TAFA1: variants seen among roughly 807,000 people sequenced by gnomAD.
TAFA1 encodes the protein TAFA chemokine like family member 1.
A neutral mutation model predicts 18.5 loss-of-function variants in TAFA1; 4 were observed. The observed-to-expected ratio is 0.22, with a 90% CI of 0.11 to 0.49. The LOEUF is 0.49. Among genes scored for constraint, TAFA1 ranks in the 20% least tolerant of loss-of-function variants. The pLI is 0.98. For synonymous variants in TAFA1, 56 were observed against 55.2 expected, an observed-to-expected ratio of 1.01 and a Z score of -0.06; for missense variants, 147 against 169.0, an observed-to-expected ratio of 0.87 and a Z score of 0.72.
chr3:68,301,028 A>C (rs923078494), intron 2 of TAFA1, among the ~76,000 whole-genome samples: 2 of 152,236 alleles, frequency 1.3e-5, no homozygotes, highest in Admixed American at 1.3e-4. Flanking sequence ...TATCACATAC[A>C]CAGAATCGTG....
At chr3:68,207,977 A>G (rs1383927626) in intron 2 of TAFA1, among the ~76,000 whole-genome samples, 2 of 151,962 alleles carry the variant, frequency 1.3e-5, no homozygotes, top group African/African-American at 4.8e-5. Flanking sequence ...GCAATGGAGT[A>G]ACAATAGACT....
chr3:68,180,186 C>A (rs1471327391), intron 2 of TAFA1, among the ~76,000 whole-genome samples: 13 of 90,948 alleles, frequency 1.4e-4, no homozygotes, highest in African/African-American at 4.9e-4. Flanking sequence ...GTGTGCACCA[C>A]CACACCTGGC....
At chr3:68,532,913 A>G (rs770608687) in intron 3 of TAFA1, among the ~76,000 whole-genome samples, 7 of 146,200 alleles carry the variant, frequency 4.8e-5, no homozygotes, top group Admixed American at 6.8e-5. Flanking sequence ...ATAATAATAA[A>G]AGTCTGACAT....
intron 2 of TAFA1, among the ~76,000 whole-genome samples, chr3:68,012,807 T>C (rs76085467): frequency 0.029 from 4,435 of 152,200 alleles, 93 homozygotes; most frequent in East Asian, 0.13. Flanking sequence ...TGAGGCCCTT[T>C]TCCTTTTAAG....
chr3:68,121,249 A>ATGTG (rs67968765), intron 2 of TAFA1, among the ~76,000 whole-genome samples: 10,736 of 147,890 alleles, frequency 0.073, 428 homozygotes, highest in Middle Eastern at 0.1. Flanking sequence ...ATGTACATTA[A>ATGTG]TGTGTGTGTG....
chr3:68,240,989 A>G (rs985539324), intron 2 of TAFA1, among the ~76,000 whole-genome samples: 1 of 152,176 alleles, frequency 6.6e-6, no homozygotes, highest in African/African-American at 2.4e-5. Flanking sequence ...AATCAGCTCT[A>G]GTGTGGATAT....
chr3:68,282,544 G>A (rs1359558212), intron 2 of TAFA1, among the ~76,000 whole-genome samples: 3 of 152,168 alleles, frequency 2.0e-5, no homozygotes, highest in Non-Finnish European at 4.4e-5. Context: ...GCATTCTGAT[G>A]CGTTCCCTTG....
intron 2 of TAFA1, among the ~76,000 whole-genome samples, chr3:68,138,006 A>T (rs1258626850): frequency 6.6e-6 from 1 of 151,912 alleles, no homozygotes; most frequent in East Asian, 1.9e-4. Context: ...AGTGGATTCA[A>T]TGAGTAGATA....
At chr3:68,435,181 A>T (rs979930302) in intron 3 of TAFA1, among the ~76,000 whole-genome samples, 3 of 152,094 alleles carry the variant, frequency 2.0e-5, no homozygotes, top group African/African-American at 7.2e-5. Flanking sequence ...GTGACTAGGT[A>T]AGAGGATGGG....
At chr3:68,071,160 A>G (rs985108642) in intron 2 of TAFA1, among the ~76,000 whole-genome samples, 2 of 152,262 alleles carry the variant, frequency 1.3e-5, no homozygotes, top group Non-Finnish European at 2.9e-5. Flanking sequence ...TTATACAGGA[A>G]AAAGGGTTTA....
chr3:68,376,015 TCTACTC>T (rs1276516825), intron 2 of TAFA1, among the ~76,000 whole-genome samples: 1 of 152,200 alleles, frequency 6.6e-6, no homozygotes, highest in Non-Finnish European at 1.5e-5. Context: ...TCATTGACCA[TCTACTC>T]TGTTTTAAAC....
intron 2 of TAFA1, among the ~76,000 whole-genome samples, chr3:68,122,796 G>C (rs1043455144): frequency 1.3e-5 from 2 of 151,828 alleles, no homozygotes; most frequent in Non-Finnish European, 2.9e-5. Context: ...CTGTATATGT[G>C]TGTATATATA....
chr3:68,250,445 G>T (rs6549089), intron 2 of TAFA1, among the ~76,000 whole-genome samples: 56,704 of 151,942 alleles, frequency 0.37, 11,262 homozygotes, highest in East Asian at 0.56. Flanking sequence ...CTAGGAATCA[G>T]ATTACTCCTG....
At chr3:68,203,109 A>G (rs760698419) in intron 2 of TAFA1, among the ~76,000 whole-genome samples, 23 of 151,870 alleles carry the variant, frequency 1.5e-4, no homozygotes, top group Non-Finnish European at 2.1e-4. Context: ...AACCCTTCAA[A>G]TATTTCATTT....
intron 3 of TAFA1, among the ~76,000 whole-genome samples, chr3:68,466,593 G>T (rs1005857429): frequency 5.9e-5 from 9 of 152,184 alleles, no homozygotes; most frequent in African/African-American, 2.2e-4. Flanking sequence ...ATAAAATCTT[G>T]AGCCCTCCCA....
At chr3:68,070,160 G>A (rs546687713) in intron 2 of TAFA1, among the ~76,000 whole-genome samples, 2 of 152,138 alleles carry the variant, frequency 1.3e-5, no homozygotes, top group African/African-American at 4.8e-5. Flanking sequence ...TTCCATGAGG[G>A]TCCCACCCTT....
intron 3 of TAFA1, among the ~76,000 whole-genome samples, chr3:68,466,804 T>C (rs1002832319): frequency 2.6e-5 from 4 of 152,198 alleles, no homozygotes; most frequent in East Asian, 3.8e-4. Flanking sequence ...TCTTTTCTAT[T>C]TTCCCTAAGT....
At chr3:68,428,238 C>T (rs1559665581) in intron 3 of TAFA1, among the ~76,000 whole-genome samples, 1 of 151,784 alleles carries the variant, frequency 6.6e-6, no homozygotes, top group South Asian at 2.1e-4. Flanking sequence ...AGAGTAAAGG[C>T]CATCTGTGAC....
intron 2 of TAFA1, among the ~76,000 whole-genome samples, chr3:68,014,429 A>T (rs1030449733): frequency 8.5e-5 from 13 of 152,216 alleles, no homozygotes; most frequent in Non-Finnish European, 1.8e-4. Context: ...AAGCCTTTTT[A>T]AAAAATATCA....
Sources: allele counts gnomAD v4.1 joint callset (sites outside exome capture counted in the v4.1 genomes callset), GRCh38; gene constraint gnomAD v4.1.1; transcripts MANE v1.5; gene names NCBI Gene and HGNC (gene_info 2026-07-23, HGNC 2026-07-21).